ZSCAN5A: variants seen among roughly 807,000 people sequenced by gnomAD.
ZSCAN5A encodes zinc finger and SCAN domain-containing protein 5A.
Under a neutral mutation model 23.7 loss-of-function variants are expected in ZSCAN5A, and 12 were observed. The observed-to-expected ratio is 0.51, with a 90% confidence interval of 0.32 to 0.82. The LOEUF (loss-of-function observed/expected upper bound fraction) is 0.82. ZSCAN5A is among the 40% of genes least tolerant of loss of function. ZSCAN5A has a pLI of 0.03. For missense variants in ZSCAN5A, 597 were observed against 617.9 expected, an observed-to-expected ratio of 0.97 and a Z score of 0.36; for synonymous variants, 257 against 239.9, an observed-to-expected ratio of 1.07 and a Z score of -0.66.
intron 2 of ZSCAN5A, chr19:56,244,354 C>T (rs1037491673): frequency 8.8e-6 from 14 of 1,598,710 alleles, no homozygotes; most frequent in Non-Finnish European, 1.1e-5. Context: ...AGGTCTTAGT[C>T]AAGGTGAACG....
chr19:56,298,888 A>G (rs927689820), intron 2 of ZSCAN5A, among the ~76,000 whole-genome samples: 2 of 152,232 alleles, frequency 1.3e-5, no homozygotes, highest in African/African-American at 4.8e-5. Flanking sequence ...AATACGACAA[A>G]GGAAAATTTC....
chr19:56,303,104 TGAG>T (rs1343539717), intron 2 of ZSCAN5A: 1 of 383,098 alleles, frequency 2.6e-6, no homozygotes, highest in Non-Finnish European at 4.6e-6. Flanking sequence ...ATTAGCCAAT[TGAG>T]GAGGGGAAGC....
At chr19:56,273,767 G>C (rs1377045870) in intron 2 of ZSCAN5A, among the ~76,000 whole-genome samples, 1 of 152,126 alleles carries the variant, frequency 6.6e-6, no homozygotes, top group East Asian at 1.9e-4. Flanking sequence ...AGAACAGACG[G>C]GGGCATGTGA....
Position 56,259,810 on chromosome 19 carries a change from C to T in ZSCAN5A, c.-127-34637G>A, listed in dbSNP as rs145834137. Among the ~76,000 whole-genome samples the T allele has an allele frequency of 6.6e-5, 10 of 152,236 alleles. 1 individual carries two copies. Among genetic ancestry groups the T allele is most frequent in the African/African-American group, 2.4e-4 (10 of 41,546 alleles). On this transcript the variant is annotated intron_variant, in intron 2 of 5. Coordinates refer to ENST00000683990, the MANE Select transcript of ZSCAN5A (RefSeq NM_001322064.3). ...GCAATGTAACGAAACCCCATCTCTA[C>T]AAAAAATATAAAAATTAGCTGGGCA...
At chr19:56,282,180 A>G (rs1231735841) in intron 2 of ZSCAN5A, among the ~76,000 whole-genome samples, 1 of 152,084 alleles carries the variant, frequency 6.6e-6, no homozygotes, top group African/African-American at 2.4e-5. Flanking sequence ...TGGAGATGAC[A>G]CTTGGTTATT....
In ZSCAN5A at chr19:56,242,835, A is replaced by G. The variant is rs190946111; in HGVS notation, c.-127-17662T>C. Reference sequence around the variant, plus strand: ...CTCTTGTTGCCCAGGCTGGAGTGCAATGGCGTGATGTCGGCTCACTACAAC... The same window carrying G: ...CTCTTGTTGCCCAGGCTGGAGTGCAGTGGCGTGATGTCGGCTCACTACAAC... On this transcript the variant is annotated intron_variant, in intron 2 of 5. Transcript: ENST00000683990. Among the ~76,000 whole-genome samples, 313 of 152,178 alleles carry G rather than the reference A, an allele frequency of 2.1e-3. 1 individual carries two copies. The highest frequency in any genetic ancestry group is 4.5e-3 in the Admixed American group (68 of 15,276).
chr19:56,259,290 C>T (rs1305321467), intron 2 of ZSCAN5A, among the ~76,000 whole-genome samples: 1 of 152,052 alleles, frequency 6.6e-6, no homozygotes, highest in Non-Finnish European at 1.5e-5. Context: ...CCATGAACTT[C>T]TGAGCTCAAG....
At chr19:56,346,368 C>G (rs1410691798) in intron 2 of ZSCAN5A, among the ~76,000 whole-genome samples, 1 of 152,068 alleles carries the variant, frequency 6.6e-6, no homozygotes, top group Non-Finnish European at 1.5e-5. Flanking sequence ...AGTTACTTAT[C>G]TAGGGATCAT....
rs367754273 is a variant in ZSCAN5A at position 56,286,932 on chromosome 19, G to C, written c.-128+26351C>G. On this transcript the variant is annotated intron_variant, in intron 2 of 5. Transcript: ENST00000683990. ...CTATTTACCAGCACACACCACCCAGGACAAGTCTGTTTTCTTCCCGGTAAA... is the reference window on the plus strand; with the variant it reads ...CTATTTACCAGCACACACCACCCAGCACAAGTCTGTTTTCTTCCCGGTAAA... Among the ~76,000 whole-genome samples, 85 of 152,352 alleles carry C rather than the reference G, an allele frequency of 5.6e-4. No homozygotes were observed. In the South Asian group the frequency reaches 0.017, roughly 30 times the overall value.
intron 2 of ZSCAN5A, among the ~76,000 whole-genome samples, chr19:56,244,698 C>A (rs533240215): frequency 6.7e-6 from 1 of 149,212 alleles, no homozygotes; most frequent in South Asian, 2.1e-4. Flanking sequence ...TGTGCTGAGA[C>A]GGCAAGTTCC....
rs865966194 is a variant in ZSCAN5A at position 56,253,855 on chromosome 19, G to C, written c.-127-28682C>G. On this transcript the variant is annotated intron_variant, in intron 2 of 5. Transcript: ENST00000683990. ...TAAGCCGGTGCCACTAGCATCATAC[G>C]CACCCAGCTTATGTTAAAAATTTAA... Among the ~76,000 whole-genome samples the C allele has an allele frequency of 2.0e-5, 3 of 152,228 alleles. No individual in the cohort carries two copies. In the South Asian group the frequency reaches 6.2e-4, roughly 32 times the overall value.
chr19:56,234,880 CGG>C (rs1333130825), intron 2 of ZSCAN5A, among the ~76,000 whole-genome samples: 1 of 152,204 alleles, frequency 6.6e-6, no homozygotes, highest in African/African-American at 2.4e-5. Flanking sequence ...TTCTACAACT[CGG>C]TGTCTGAGAG....
chr19:56,243,731 G>A (rs950032733), intron 2 of ZSCAN5A, among the ~76,000 whole-genome samples: 1 of 152,148 alleles, frequency 6.6e-6, no homozygotes, highest in African/African-American at 2.4e-5. Flanking sequence ...GAATCCAGGG[G>A]AGCATTAGGA....
intron 2 of ZSCAN5A, among the ~76,000 whole-genome samples, chr19:56,358,718 AAC>A (rs1168101614): frequency 6.6e-6 from 1 of 152,234 alleles, no homozygotes; most frequent in East Asian, 1.9e-4. Context: ...CTGAAATCAT[AAC>A]AGTCTCTCAG....
chr19:56,315,288 T>A (rs1353021708), upstream of ZSCAN5A: 1 of 152,246 alleles, frequency 6.6e-6, no homozygotes, highest in Non-Finnish European at 1.5e-5. Context: ...TTGAGGCGTG[T>A]CTTCCCTGGT....
At chr19:56,247,698 A>T (rs372787961) in intron 2 of ZSCAN5A, among the ~76,000 whole-genome samples, 13 of 150,874 alleles carry the variant, frequency 8.6e-5, no homozygotes, top group African/African-American at 1.5e-4. Context: ...TCTTTCTTTT[A>T]TTATTTTTTT....
At chr19:56,261,342 T>C (rs889863798) in intron 2 of ZSCAN5A, among the ~76,000 whole-genome samples, 16 of 152,212 alleles carry the variant, frequency 1.1e-4, no homozygotes, top group Non-Finnish European at 1.6e-4. Context: ...TCAGGGGCTG[T>C]GACATTCCTA....
rs115943577 is a variant in ZSCAN5A, at chr19:56,263,861, T to A, written c.-127-38688A>T. On this transcript the variant is annotated intron_variant, in intron 2 of 5. Transcript: ENST00000683990. ...TAGTATTATGCTTCTATGAGCCATA[T>A]AAATATTATATGCTATACATATTGC... Among the ~76,000 whole-genome samples the A allele has an allele frequency of 5.0e-3, 767 of 152,280 alleles. 8 individuals carry two copies. The highest frequency in any genetic ancestry group is 0.018 in the African/African-American group (737 of 41,550).
intron 2 of ZSCAN5A, among the ~76,000 whole-genome samples, chr19:56,242,786 T>TC (rs1360867298): frequency 1.0e-5 from 1 of 98,438 alleles, no homozygotes; most frequent in Non-Finnish European, 2.5e-5. Context: ...TCTTTCTCTC[T>TC]TTTTTTTTTG....
Sources: allele counts gnomAD v4.1 joint callset (sites outside exome capture counted in the v4.1 genomes callset), GRCh38; gene constraint gnomAD v4.1.1; transcripts MANE v1.5; gene names NCBI Gene and HGNC (gene_info 2026-07-23, HGNC 2026-07-21).